Variants in XKR9 observed in about 807,000 individuals in gnomAD.
The protein encoded by XKR9 is XK related 9, also known as XK-related protein 9.
A neutral mutation model predicts 32.0 loss-of-function variants in XKR9; 32 were observed. That is an observed-to-expected ratio of 1.00 (90% CI 0.76 to 1.34). The LOEUF (loss-of-function observed/expected upper bound fraction) is 1.34, where lower values mean the gene tolerates loss of function less well. Among genes scored for constraint, XKR9 ranks in the 40% most tolerant of loss-of-function variants. XKR9 has a pLI of 0.00. For synonymous variants in XKR9, 168 were observed against 143.4 expected (o/e 1.17, Z -1.22); for missense variants, 546 against 429.7 (o/e 1.27, Z -2.39).
chr8:71,047,973 A>C, the XKR9 span, among the ~76,000 whole-genome samples: 1 of 152,220 alleles, frequency 6.6e-6, no homozygotes, highest in Non-Finnish European at 1.5e-5. Context: ...GTATAAATTA[A>C]ATCCAAGTTT....
chr8:70,943,623 A>G, the XKR9 span, among the ~76,000 whole-genome samples: 3 of 152,112 alleles, frequency 2.0e-5, no homozygotes, highest in Non-Finnish European at 4.4e-5. Context: ...TTTTTTACTC[A>G]AAATCAGCTT....
At chr8:70,771,934 T>C (rs1272404817) in intron 2 of XKR9, among the ~76,000 whole-genome samples, 2 of 152,166 alleles carry the variant, frequency 1.3e-5, no homozygotes, top group East Asian at 3.8e-4. Flanking sequence ...AATTGGTTTA[T>C]TAAAAATCCC....
chr8:70,912,349 G>A, the XKR9 span, among the ~76,000 whole-genome samples: 1 of 152,132 alleles, frequency 6.6e-6, no homozygotes, highest in Non-Finnish European at 1.5e-5. Flanking sequence ...AACTGTAGAT[G>A]CATTACATGA....
intron 3 of XKR9, among the ~76,000 whole-genome samples, chr8:70,704,595 C>A (rs1805655111): frequency 6.6e-6 from 1 of 152,188 alleles, no homozygotes; most frequent in South Asian, 2.1e-4. Context: ...TGAACCACGG[C>A]ATTCTGGCAT....
chr8:71,031,714 A>C, the XKR9 span, among the ~76,000 whole-genome samples: 2 of 152,232 alleles, frequency 1.3e-5, no homozygotes, highest in Admixed American at 6.5e-5. Flanking sequence ...TTGTTTTTTC[A>C]ATCTGAGTAA....
At chr8:70,743,970 G>A (rs1039005898) in intron 2 of XKR9, among the ~76,000 whole-genome samples, 4 of 151,954 alleles carry the variant, frequency 2.6e-5, no homozygotes, top group Admixed American at 6.6e-5. Context: ...TTATTTGTGA[G>A]ACGATTTGTG....
At chr8:70,905,488 C>G in the XKR9 span, among the ~76,000 whole-genome samples, 3 of 152,156 alleles carry the variant, frequency 2.0e-5, no homozygotes, top group South Asian at 4.1e-4. Flanking sequence ...TTAAGGTCTT[C>G]TCTACACTGT....
Position 70,672,230 on chromosome 8 carries a change from A to T in XKR9, c.-360-2588A>T, listed in dbSNP as rs367849092. 6.6e-5 allele frequency among the ~76,000 whole-genome samples: 5 copies of T among 76,008 alleles called. No homozygotes were observed. In the East Asian group the frequency reaches 8.8e-4, roughly 13 times the overall value. The allele number at this position is 76,008 out of a possible 152,430, so 49.9% of individuals were successfully genotyped here. A position where few individuals can be genotyped will look rare whatever the true frequency, so the allele number is the denominator to read the frequency against. ...ATTGGAAAAAACTACTTTAAAGTTC[A>T]TATGGAACCAAAAAAGAGCCCGCAT... On this transcript the variant is annotated intron_variant, in intron 1 of 4. Transcript: ENST00000408926.
the XKR9 span, among the ~76,000 whole-genome samples, chr8:70,805,674 A>G: frequency 6.6e-6 from 1 of 152,014 alleles, no homozygotes; most frequent in Non-Finnish European, 1.5e-5. Flanking sequence ...CGTGACCCTG[A>G]CTCATCCTTA....
At chr8:70,985,210 T>C in the XKR9 span, among the ~76,000 whole-genome samples, 1 of 152,190 alleles carries the variant, frequency 6.6e-6, no homozygotes, top group East Asian at 1.9e-4. Context: ...CCTCCTTGTG[T>C]CCATGTATTC....
At chr8:70,699,128 C>A (rs1805409570) in intron 3 of XKR9, among the ~76,000 whole-genome samples, 1 of 152,186 alleles carries the variant, frequency 6.6e-6, no homozygotes, top group African/African-American at 2.4e-5. Context: ...TGGGTCTTGA[C>A]TCTTTATCCA....
chr8:71,015,625 G>C, the XKR9 span, among the ~76,000 whole-genome samples: 1 of 152,150 alleles, frequency 6.6e-6, no homozygotes, highest in Non-Finnish European at 1.5e-5. Flanking sequence ...ATGGGAAGGT[G>C]ACTTTGTTGG....
chr8:70,704,297 G>A (rs1335337761), intron 3 of XKR9, among the ~76,000 whole-genome samples: 3 of 152,104 alleles, frequency 2.0e-5, no homozygotes, highest in African/African-American at 4.8e-5. Flanking sequence ...ATTACCCTCA[G>A]ATAAGCAGAA....
intron 3 of XKR9, among the ~76,000 whole-genome samples, chr8:70,688,662 C>T (rs1171243374): frequency 3.3e-5 from 5 of 151,360 alleles, no homozygotes; most frequent in South Asian, 2.1e-4. Flanking sequence ...GTGAGCCGCC[C>T]GCCTCGGCCT....
chr8:70,693,530 A>G (rs755196610), intron 3 of XKR9, among the ~76,000 whole-genome samples: 1 of 152,186 alleles, frequency 6.6e-6, no homozygotes, highest in Non-Finnish European at 1.5e-5. Flanking sequence ...TGCCCACTGC[A>G]GCTCTGGGAC....
chr8:70,854,385 T>C, the XKR9 span, among the ~76,000 whole-genome samples: 2 of 152,216 alleles, frequency 1.3e-5, no homozygotes, highest in East Asian at 1.9e-4. Context: ...TTTTTTCTTG[T>C]AAATTTGTTT....
the XKR9 span, among the ~76,000 whole-genome samples, chr8:70,888,414 G>A: frequency 4.0e-5 from 6 of 151,748 alleles, no homozygotes; most frequent in Admixed American, 2.0e-4. Context: ...TGTTTCTTCA[G>A]TCTGTTGATT....
At chr8:70,670,797 A>G (rs1028326314) in intron 1 of XKR9, 1 of 152,206 alleles carries the variant, frequency 6.6e-6, no homozygotes, top group African/African-American at 2.4e-5. Flanking sequence ...CCCTTCAAAA[A>G]ATACTTAAAG....
At chr8:70,967,784 G>A in the XKR9 span, among the ~76,000 whole-genome samples, 4 of 151,972 alleles carry the variant, frequency 2.6e-5, no homozygotes, top group African/African-American at 9.7e-5. Flanking sequence ...CTGGCTTGTA[G>A]GGTTTCTGCT....
Sources: gnomAD v4.1 joint callset for allele counts (sites outside exome capture counted in the v4.1 genomes callset) on GRCh38, gnomAD v4.1.1 for gene constraint, MANE v1.5 for transcripts, NCBI Gene and HGNC (gene_info 2026-07-23, HGNC 2026-07-21) for gene names.